PACRG: variants seen among roughly 807,000 people sequenced by gnomAD.
The protein encoded by PACRG is parkin coregulated, also known as parkin coregulated gene protein.
A neutral mutation model predicts 29.7 loss-of-function variants in PACRG; 29 were observed. The observed-to-expected ratio is 0.98, with a 90% CI of 0.73 to 1.33. The LOEUF (loss-of-function observed/expected upper bound fraction) is 1.33. Among genes scored for constraint, PACRG ranks in the 40% most tolerant of loss-of-function variants. PACRG has a pLI of 0.00. For missense variants in PACRG, 279 were observed against 316.2 expected (o/e 0.88, Z 0.89); for synonymous variants, 116 against 118.7 (o/e 0.98, Z 0.15).
intron 2 of PACRG, among the ~76,000 whole-genome samples, chr6:162,883,739 CACAT>C (rs1794099047): frequency 6.7e-6 from 1 of 148,658 alleles, no homozygotes; most frequent in Admixed American, 6.8e-5. Flanking sequence ...TCTGCATACA[CACAT>C]ACAGTTGACT....
intron 2 of PACRG, among the ~76,000 whole-genome samples, chr6:162,923,810 GGTTTTGTTTTT>G (rs1461006161): frequency 6.6e-6 from 1 of 151,276 alleles, no homozygotes; most frequent in African/African-American, 2.4e-5. Context: ...CCAGCTTTAT[GGTTTTGTTTTT>G]ATTTTCTTTT....
chr6:163,059,368 A>G (rs1810906740), intron 2 of PACRG, among the ~76,000 whole-genome samples: 1 of 152,220 alleles, frequency 6.6e-6, no homozygotes, highest in Non-Finnish European at 1.5e-5. Context: ...AAAAGTGGGA[A>G]AAACAAATCT....
At chr6:163,061,022 T>C (rs1811056310) in intron 2 of PACRG, among the ~76,000 whole-genome samples, 1 of 152,112 alleles carries the variant, frequency 6.6e-6, no homozygotes, top group Non-Finnish European at 1.5e-5. Flanking sequence ...ATGTAATTTA[T>C]CAATAAAAAA....
At chr6:163,287,463 A>T (rs374248938) in intron 4 of PACRG, among the ~76,000 whole-genome samples, 24 of 151,766 alleles carry the variant, frequency 1.6e-4, no homozygotes, top group Non-Finnish European at 3.4e-4. Context: ...GGCCATGCTC[A>T]CCTCCTCCTG....
intron 2 of PACRG, among the ~76,000 whole-genome samples, chr6:162,860,004 C>T (rs1437102456): frequency 1.8e-5 from 2 of 112,610 alleles, no homozygotes; most frequent in African/African-American, 3.5e-5. Context: ...TTCTCCCCTA[C>T]AAGAGTAATG....
intron 2 of PACRG, among the ~76,000 whole-genome samples, chr6:163,046,086 G>A (rs992496818): frequency 5.9e-5 from 9 of 151,858 alleles, no homozygotes; most frequent in Admixed American, 3.3e-4. Flanking sequence ...CTGGCTCCCT[G>A]ATATCACCTG....
intron 2 of PACRG, among the ~76,000 whole-genome samples, chr6:162,854,857 T>C (rs1791236738): frequency 6.6e-6 from 1 of 152,226 alleles, no homozygotes; most frequent in Admixed American, 6.5e-5. Flanking sequence ...GACCGTGACT[T>C]GCCATTGAAT....
At chr6:163,078,845 G>A (rs1812801001) in intron 3 of PACRG, among the ~76,000 whole-genome samples, 1 of 152,120 alleles carries the variant, frequency 6.6e-6, no homozygotes, top group African/African-American at 2.4e-5. Context: ...CCAAAGCACA[G>A]GACACAGCAG....
intron 4 of PACRG, among the ~76,000 whole-genome samples, chr6:163,229,304 G>A (rs1585351744): frequency 1.3e-5 from 2 of 152,054 alleles, no homozygotes; most frequent in African/African-American, 4.8e-5. Context: ...AGCAATAATC[G>A]TGCCACAGCA....
At chr6:163,188,356 A>G (rs957920828) in intron 4 of PACRG, among the ~76,000 whole-genome samples, 1 of 152,242 alleles carries the variant, frequency 6.6e-6, no homozygotes, top group Non-Finnish European at 1.5e-5. Context: ...CCTGATCAAA[A>G]TGATTGAGCT....
chr6:163,167,539 G>GT (rs1297157613), intron 4 of PACRG, among the ~76,000 whole-genome samples: 85 of 152,134 alleles, frequency 5.6e-4, no homozygotes, highest in African/African-American at 2.0e-3. Context: ...CCTTCTAGTT[G>GT]TAAATCTTCC....
intron 2 of PACRG, among the ~76,000 whole-genome samples, chr6:162,972,016 G>A (rs1183431065): frequency 6.6e-6 from 1 of 152,190 alleles, no homozygotes; most frequent in East Asian, 1.9e-4. Context: ...TGTGACGCAT[G>A]TGGTCATGAG....
intron 1 of PACRG, among the ~76,000 whole-genome samples, chr6:162,763,612 A>T (rs1476199025): frequency 6.6e-6 from 1 of 152,206 alleles, no homozygotes; most frequent in Non-Finnish European, 1.5e-5. Context: ...TCAACTATTG[A>T]TAAGCTAATA....
intron 4 of PACRG, chr6:163,245,165 G>A (rs1170038716): frequency 8.2e-6 from 3 of 364,166 alleles, no homozygotes; most frequent in South Asian, 4.4e-5. Flanking sequence ...AAGGAGTTGT[G>A]AAAGTTGTTT....
At chr6:163,169,541 C>T (rs1433041246) in intron 4 of PACRG, among the ~76,000 whole-genome samples, 2 of 152,152 alleles carry the variant, frequency 1.3e-5, no homozygotes, top group Non-Finnish European at 2.9e-5. Context: ...ATTGTTGTTG[C>T]GGGTGTGGAA....
chr6:163,204,544 CG>C (rs1159296346), intron 4 of PACRG, among the ~76,000 whole-genome samples: 2 of 152,088 alleles, frequency 1.3e-5, no homozygotes, highest in African/African-American at 4.8e-5. Flanking sequence ...CCTGGAAACC[CG>C]GGGCTGTAAT....
chr6:162,733,372 A>G (rs1274079989), intron 1 of PACRG, among the ~76,000 whole-genome samples: 2 of 152,244 alleles, frequency 1.3e-5, no homozygotes, highest in African/African-American at 4.8e-5. Flanking sequence ...AATCTTAACC[A>G]GAACCTAACA....
intron 2 of PACRG, among the ~76,000 whole-genome samples, chr6:163,005,512 A>G (rs1041882106): frequency 8.6e-5 from 13 of 151,792 alleles, no homozygotes; most frequent in Non-Finnish European, 1.6e-4. Flanking sequence ...ACTCAGTTAA[A>G]ATACTTAAAA....
chr6:163,023,664 A>G (rs897084561), intron 2 of PACRG, among the ~76,000 whole-genome samples: 1 of 152,226 alleles, frequency 6.6e-6, no homozygotes, highest in African/African-American at 2.4e-5. Flanking sequence ...TGCTTTTCAC[A>G]GTGGCTAGAC....
Sources: allele counts gnomAD v4.1 joint callset (sites outside exome capture counted in the v4.1 genomes callset), GRCh38; gene constraint gnomAD v4.1.1; transcripts MANE v1.5; gene names NCBI Gene and HGNC (gene_info 2026-07-23, HGNC 2026-07-21).